The following SPDL1 variants were observed in gnomAD, a reference collection of about 807,000 sequenced individuals.
The protein encoded by SPDL1 is spindle apparatus coiled-coil protein 1.
Under a neutral mutation model 79.5 loss-of-function variants are expected in SPDL1, and 85 were observed. The observed-to-expected ratio is 1.07, with a 90% CI of 0.90 to 1.28. The LOEUF (loss-of-function observed/expected upper bound fraction) is 1.28, where lower values mean the gene tolerates loss of function less well. Ranked by LOEUF, SPDL1 falls within the 50% of genes most tolerant of loss-of-function variation. The pLI, the probability that SPDL1 is intolerant of heterozygous loss-of-function variation, is 0.00. For synonymous variants in SPDL1, 269 were observed against 240.3 expected, an observed-to-expected ratio of 1.12 and a Z score of -1.10; for missense variants, 703 against 697.8, an observed-to-expected ratio of 1.01 and a Z score of -0.08.
rs1265660857 is a variant in SPDL1, at chr5:169,592,197, G to T, written c.336+973G>T. ...TTTACTGATTTTAAGAAACATCAAT[G>T]AAAGTATTTTTTTTTCCTTTTTTTT... On this transcript the variant is annotated intron_variant, in intron 3 of 11. Coordinates refer to ENST00000265295, the MANE Select transcript of SPDL1 (RefSeq NM_017785.5). Among the ~76,000 whole-genome samples the T allele has an allele frequency of 3.6e-5, 5 of 138,608 alleles. No homozygotes were observed. The East Asian group carries it at 6.8e-4, about 19-fold the overall frequency. 90.9% of individuals were successfully genotyped at this position (138,608 alleles called of 152,430 possible). A position where few individuals can be genotyped will look rare whatever the true frequency, so the allele number is the denominator to read the frequency against.
At chr5:169,586,973 C>G (rs1755014797) in intron 1 of SPDL1, among the ~76,000 whole-genome samples, 1 of 152,154 alleles carries the variant, frequency 6.6e-6, no homozygotes, top group African/African-American at 2.4e-5. Context: ...TATCTCTTAG[C>G]CAAATTTCAC....
At chr5:169,601,850 C>A (rs1000795066) in intron 11 of SPDL1, 2 of 615,080 alleles carry the variant, frequency 3.3e-6, no homozygotes, top group Non-Finnish European at 5.8e-6. Context: ...TAAAAAGTTA[C>A]ACGTTTCTGT....
chr5:169,596,505 T>C lies in SPDL1; in HGVS notation c.892-56T>C, dbSNP rs1002125939. 2.8e-6 allele frequency: 4 copies of C among 1,437,320 alleles called. No individual in the cohort carries two copies. In the African/African-American group the frequency reaches 5.7e-5, roughly 20 times the overall value. The allele number at this position is 1,437,320 out of a possible 1,614,324, so 89.0% of individuals were successfully genotyped here. On this transcript the variant is annotated intron_variant, in intron 7 of 11. Transcript: ENST00000265295. ...TTATGAATTGTATCAAAAAAGTAGT[T>C]ATCAGAATCTTTCTCTCACTTAATT...
At chr5:169,586,645 A>G (rs1343561808) in intron 1 of SPDL1, among the ~76,000 whole-genome samples, 2 of 152,198 alleles carry the variant, frequency 1.3e-5, no homozygotes, top group African/African-American at 4.8e-5. Flanking sequence ...TCAGGCCAGA[A>G]GACTTGGAGG....
At chr5:169,600,074 G>A (rs1755804320) in intron 10 of SPDL1, among the ~76,000 whole-genome samples, 1 of 152,126 alleles carries the variant, frequency 6.6e-6, no homozygotes, top group African/African-American at 2.4e-5. Context: ...AAGGCCAAGT[G>A]TGAAGGAGTC....
rs1755269432 is a variant in SPDL1 at position 169,591,240 on chromosome 5, T to G, written c.336+16T>G. ...AAAAACTAAGGTTGGGATATCTGCG[T>G]ATTTCAGCACAAAATATTCCATATT... On this transcript the variant is annotated intron_variant, in intron 3 of 11. Coordinates refer to ENST00000265295, the MANE Select transcript of SPDL1 (RefSeq NM_017785.5). The G allele has an allele frequency of 6.2e-7, 1 of 1,606,154 alleles. No individual in the cohort carries two copies. The highest frequency in any genetic ancestry group is 2.2e-5 in the East Asian group (1 of 44,730).
chr5:169,600,509 G>A (rs892743545), intron 10 of SPDL1, among the ~76,000 whole-genome samples: 2 of 152,188 alleles, frequency 1.3e-5, no homozygotes, highest in African/African-American at 4.8e-5. Flanking sequence ...GCAACCCCTT[G>A]TGCTACCAGT....
chr5:169,591,475 T>A (rs1424189221), intron 3 of SPDL1, among the ~76,000 whole-genome samples: 1 of 152,208 alleles, frequency 6.6e-6, no homozygotes, highest in Non-Finnish European at 1.5e-5. Flanking sequence ...AGGTTTAGTT[T>A]AGTGACTAGC....
Position 169,598,576 on chromosome 5 carries a change from T to G in SPDL1, c.1133T>G (p.Leu378Ter), listed in dbSNP as rs773825829. The G allele has an allele frequency of 1.2e-6, 2 of 1,603,214 alleles. No individual in the cohort carries two copies. Among genetic ancestry groups the G allele is most frequent in the African/African-American group, 2.7e-5 (2 of 74,656 alleles). The change falls in exon 9 of 12, where the codon TTA becomes TGA. Residue 378 changes from leucine (L) to a stop codon, truncating the protein, a stop_gained. Transcript: ENST00000265295. LOFTEE classifies it high-confidence loss of function. ...TDLLQMKLDN[L>*]NKEIESTKGE... ...TTACTTCAGATGAAGCTGGATAACT[T>G]AAAGTAAGTGTCTGGGTTGGTGGAT...
chr5:169,593,518 A>G lies in SPDL1; in HGVS notation c.501A>G (p.Gln167=), dbSNP rs149500983. ...ESMSSEMLAL[Q]IELTEMESMK... The stretch of plus-strand genomic sequence containing the variant: ...TGTCTTCAGAGATGCTGGCTCTTCA[A>G]ATTGAGCTGACAGAAATGGAGAGTA... Residue 167 remains glutamine (Q), a synonymous_variant, in exon 4 of 12, where the codon CAA becomes CAG. Coordinates refer to ENST00000265295, the MANE Select transcript of SPDL1 (RefSeq NM_017785.5). 1,761 of 1,611,592 alleles carry G rather than the reference A, an allele frequency of 1.1e-3. 5 individuals carry two copies. The highest frequency in any genetic ancestry group is 6.4e-3 in the Middle Eastern group (39 of 6,056).
At chr5:169,602,321 G>T (rs564206958) in intron 11 of SPDL1, among the ~76,000 whole-genome samples, 6 of 152,198 alleles carry the variant, frequency 3.9e-5, no homozygotes, top group Non-Finnish European at 7.4e-5. Context: ...TGAGGCTCGA[G>T]TTCTGGATGT....
chr5:169,591,382 A>G (rs796440692), intron 3 of SPDL1, among the ~76,000 whole-genome samples, 158 bp downstream of exon 3: 11 of 152,342 alleles, frequency 7.2e-5, no homozygotes, highest in African/African-American at 2.6e-4. Flanking sequence ...ACTGAGATAC[A>G]AGAGTTTGTC....
At chr5:169,596,751 C>T in intron 8 of SPDL1, 50 bp downstream of exon 8, 1 of 1,473,924 alleles carries the variant, frequency 6.8e-7, no homozygotes. Flanking sequence ...ATTTGAATAT[C>T]TTAAAATTTG....
chr5:169,596,477 A>T (rs1755584443), intron 7 of SPDL1, 84 bp from the exon 8 acceptor site: 2 of 1,222,338 alleles, frequency 1.6e-6, no homozygotes, highest in African/African-American at 3.1e-5. Context: ...AATATAGTAC[A>T]AATTATGAAT....
At position 169,594,221 on chromosome 5, in the gene SPDL1, G is replaced by T. The variant is rs138841185; in HGVS notation, c.608G>T (p.Arg203Leu). The T allele has an allele frequency of 7.7e-4, 1,246 of 1,613,840 alleles. 3 individuals are homozygous for T. The highest frequency in any genetic ancestry group is 9.7e-4 in the Non-Finnish European group (1,150 of 1,179,794). Residue 203 changes from arginine (R) to leucine (L), a missense_variant, in exon 5 of 12, where the codon CGC becomes CTC. Physicochemically the swap from Arg to Leu is moderately radical, Grantham distance 102. Transcript: ENST00000265295. ...GAACTTCTTATTACTAACCTAATGC[G>T]CCAGGTAGACCGGCTTAAAGAGGAA... ...QLELLITNLM[R>L]QVDRLKEEKE...
At chr5:169,603,695 AAT>A (rs1232405650) in intron 11 of SPDL1, among the ~76,000 whole-genome samples, 2 of 152,202 alleles carry the variant, frequency 1.3e-5, no homozygotes, top group Middle Eastern at 3.4e-3. Context: ...CTCTACTAAA[AAT>A]ACGAAAATTA....
chr5:169,589,474 C>T (rs2113330587), intron 2 of SPDL1, among the ~76,000 whole-genome samples: 1 of 152,248 alleles, frequency 6.6e-6, no homozygotes, highest in South Asian at 2.1e-4. Flanking sequence ...CTGACCCCTG[C>T]CAAGCTTCTG....
chr5:169,585,526 T>G (rs951541438), intron 1 of SPDL1, among the ~76,000 whole-genome samples: 2 of 152,212 alleles, frequency 1.3e-5, no homozygotes, highest in Non-Finnish European at 2.9e-5. Context: ...ATGACAGTAT[T>G]TACTTAACTC....
chr5:169,589,285 G>A (rs528587720), intron 2 of SPDL1, among the ~76,000 whole-genome samples: 2 of 152,110 alleles, frequency 1.3e-5, no homozygotes, highest in Admixed American at 1.3e-4. Flanking sequence ...CTTCTGGCCG[G>A]GTTGCCTGCT....
Sources: gnomAD v4.1 joint callset for allele counts (sites outside exome capture counted in the v4.1 genomes callset) on GRCh38, gnomAD v4.1.1 for gene constraint, MANE v1.5 for transcripts, NCBI Gene and HGNC (gene_info 2026-07-23, HGNC 2026-07-21) for gene names.